The following DNAH5 variants were observed in gnomAD, a reference collection of about 807,000 sequenced individuals.
The protein encoded by DNAH5 is dynein axonemal heavy chain 5.
DNAH5 carries 372 observed loss-of-function variants against 518.2 expected under a neutral mutation model. The observed-to-expected ratio is 0.72, with a 90% confidence interval of 0.66 to 0.78. DNAH5 has a LOEUF of 0.78. Among genes scored for constraint, DNAH5 ranks in the 30% least tolerant of loss-of-function variants. The pLI is 0.00. For synonymous variants in DNAH5, 2,039 were observed against 2,025.9 expected, an observed-to-expected ratio of 1.01 and a Z score of -0.17; for missense variants, 5,523 against 5,687.0, an observed-to-expected ratio of 0.97 and a Z score of 0.93.
chr5:13,780,940 G>A lies in DNAH5; in HGVS notation c.8840C>T (p.Thr2947Ile), dbSNP rs756216163. 3.3e-5 allele frequency: 54 copies of A among 1,613,628 alleles called. No homozygotes were observed. In the Admixed American group the frequency reaches 8.7e-4, roughly 26 times the overall value. The change falls in exon 53 of 79, where the codon ACT becomes ATT. Residue 2947 changes from threonine to isoleucine, a missense_variant. Coordinates refer to ENST00000265104, the MANE Select transcript of DNAH5 (RefSeq NM_001369.3). Reference sequence around the variant, plus strand: ...GACCAGGAGGGCATTTCCCTGAGGAGTACGAATGACACGAGAGATCTGTAA... The same window carrying A: ...GACCAGGAGGGCATTTCCCTGAGGAATACGAATGACACGAGAGATCTGTAA... The part of the protein sequence containing the change: ...HLVKISRVIR[T>I]PQGNALLVGV...
At chr5:13,921,964 G>T (rs1006101329) in intron 5 of DNAH5, 143 bp downstream of exon 5, 15 of 785,874 alleles carry the variant, frequency 1.9e-5, no homozygotes, top group Non-Finnish European at 3.3e-5. Flanking sequence ...ACATCTTGAA[G>T]GAGCAATAAA....
At chr5:14,005,402 T>C (rs1228995601) in intron 1 of DNAH5, among the ~76,000 whole-genome samples, 4 of 152,208 alleles carry the variant, frequency 2.6e-5, no homozygotes, top group Non-Finnish European at 5.9e-5. Flanking sequence ...CTTGTCCATC[T>C]TTCATCTCAT....
intron 31 of DNAH5, among the ~76,000 whole-genome samples, chr5:13,847,780 G>A (rs189956917): frequency 6.6e-6 from 1 of 151,440 alleles, no homozygotes; most frequent in Non-Finnish European, 1.5e-5. Flanking sequence ...GTGTGTGTGT[G>A]TGTCTGTCTG....
chr5:13,912,480 TAC>T (rs70964517), intron 11 of DNAH5, among the ~76,000 whole-genome samples: 12 of 149,076 alleles, frequency 8.0e-5, no homozygotes, highest in Admixed American at 1.3e-4. Flanking sequence ...ATAAAATATA[TAC>T]ACACACACAC....
intron 1 of DNAH5, among the ~76,000 whole-genome samples, chr5:13,969,682 A>C (rs1203913969): frequency 1.3e-5 from 2 of 152,142 alleles, no homozygotes; most frequent in Non-Finnish European, 2.9e-5. Context: ...ACTTGATATA[A>C]TTTCAATTTT....
chr5:13,989,478 G>A (rs866452082), intron 1 of DNAH5, among the ~76,000 whole-genome samples: 1 of 145,290 alleles, frequency 6.9e-6, no homozygotes, highest in African/African-American at 2.5e-5. Flanking sequence ...CATGTAGAGG[G>A]AGACTTTTTT....
At chr5:13,872,209 G>C (rs188373928) in intron 22 of DNAH5, among the ~76,000 whole-genome samples, 1 of 152,144 alleles carries the variant, frequency 6.6e-6, no homozygotes, top group Non-Finnish European at 1.5e-5. Context: ...AGCCTCAATG[G>C]GAATCTACTG....
chr5:13,713,418 TATATATATACATCGAC>T (rs1743835962), intron 75 of DNAH5, among the ~76,000 whole-genome samples: 2 of 129,676 alleles, frequency 1.5e-5, no homozygotes, highest in Non-Finnish European at 3.1e-5. Flanking sequence ...CACCGACATA[TATATATATACATCGAC>T]ATATATATAT....
chr5:13,917,205 C>T lies in DNAH5; in HGVS notation c.1027G>A (p.Asp343Asn). The change falls in exon 8 of 79, where the codon GAC becomes AAC. Residue 343 changes from aspartate to asparagine, a missense_variant. Around this residue, in one of 3 missense-constraint regions of DNAH5, gnomAD observed 5,121 missense variants for 5,223.3 expected, o/e 0.98. Coordinates refer to ENST00000265104, the MANE Select transcript of DNAH5 (RefSeq NM_001369.3). ...RITDATNEAK[D>N]NVKYLYTLEK... is the part of the protein sequence containing the mutation. ...AGTGTATACAAGTATTTCACATTGT[C>T]CTTTGCTTCATTAGTTGCATCAGTG... 6.2e-7 allele frequency: 1 copy of T among 1,613,990 alleles called. No individual in the cohort carries two copies. Among genetic ancestry groups the T allele is most frequent in the Non-Finnish European group, 8.5e-7 (1 of 1,179,972 alleles).
rs1371846025 is a variant in DNAH5 at position 13,820,262 on chromosome 5, G to T, written c.6841+84C>A. 5.1e-6 allele frequency: 7 copies of T among 1,364,814 alleles called. No homozygotes were observed. The East Asian group carries it at 1.2e-4, about 23-fold the overall frequency. 84.5% of individuals were successfully genotyped at this position (1,364,814 alleles called of 1,614,324 possible). A position where few individuals can be genotyped will look rare whatever the true frequency, so the allele number is the denominator to read the frequency against. On this transcript the variant is annotated intron_variant, in intron 41 of 78. Transcript: ENST00000265104. Reference sequence around the variant, plus strand: ...CCTATAAAAATATATTATTGTATCTGCCTGTGTATCCCTCTTGGGCATTCA... The same window carrying T: ...CCTATAAAAATATATTATTGTATCTTCCTGTGTATCCCTCTTGGGCATTCA...
intron 1 of DNAH5, among the ~76,000 whole-genome samples, chr5:13,977,779 C>T (rs1371032568): frequency 6.6e-6 from 1 of 152,138 alleles, no homozygotes; most frequent in Non-Finnish European, 1.5e-5. Flanking sequence ...GAGAGATGAG[C>T]AGGGGAAGTC....
intron 29 of DNAH5, chr5:13,860,480 G>A (rs1309183037): frequency 6.6e-6 from 1 of 152,234 alleles, no homozygotes; most frequent in Non-Finnish European, 1.5e-5. Flanking sequence ...AGTGGCCCTG[G>A]CATTGGGATT....
chr5:13,799,328 A>G (rs1758378554), intron 47 of DNAH5, among the ~76,000 whole-genome samples: 1 of 152,034 alleles, frequency 6.6e-6, no homozygotes, highest in Admixed American at 6.6e-5. Context: ...TCTATTAATG[A>G]GAACACTTTT....
intron 52 of DNAH5, among the ~76,000 whole-genome samples, chr5:13,785,085 T>C (rs972287983): frequency 2.6e-5 from 4 of 152,124 alleles, no homozygotes; most frequent in African/African-American, 9.7e-5. Flanking sequence ...AATAATTATA[T>C]AGCTCGCCAT....
At chr5:13,855,567 C>A (rs574537495) in intron 30 of DNAH5, among the ~76,000 whole-genome samples, 4 of 152,180 alleles carry the variant, frequency 2.6e-5, no homozygotes, top group Admixed American at 1.3e-4. Flanking sequence ...ACACCCCACT[C>A]TCAATATTAG....
intron 29 of DNAH5, among the ~76,000 whole-genome samples, chr5:13,861,370 T>G (rs1768389596): frequency 6.6e-6 from 1 of 152,192 alleles, no homozygotes; most frequent in African/African-American, 2.4e-5. Context: ...TAAGAGAAAT[T>G]TTTTTGAAAT....
intron 65 of DNAH5, among the ~76,000 whole-genome samples, chr5:13,742,988 T>C (rs949487164): frequency 2.6e-5 from 4 of 152,060 alleles, no homozygotes; most frequent in Admixed American, 2.0e-4. Flanking sequence ...TACTTATGGA[T>C]ATGGTTATAG....
intron 60 of DNAH5, among the ~76,000 whole-genome samples, chr5:13,761,212 C>A (rs61016840): frequency 0.13 from 19,853 of 152,092 alleles, 1,628 homozygotes; most frequent in South Asian, 0.26. Flanking sequence ...TTCAGAATGT[C>A]CATGTTTAAC....
intron 16 of DNAH5, among the ~76,000 whole-genome samples, chr5:13,892,463 C>T (rs1379625155): frequency 2.0e-5 from 3 of 152,176 alleles, no homozygotes; most frequent in East Asian, 1.9e-4. Context: ...GTAGGATTGG[C>T]TTACTAATCC....
Sources: gnomAD v4.1 joint callset for allele counts (sites outside exome capture counted in the v4.1 genomes callset) on GRCh38, gnomAD v4.1.1 for gene constraint, gnomAD v4.1.1 regional missense constraint, MANE v1.5 for transcripts, NCBI Gene and HGNC (gene_info 2026-07-23, HGNC 2026-07-21) for gene names.